Variants in EFCAB10 observed in about 807,000 individuals in gnomAD.
The protein encoded by EFCAB10 is EF-hand calcium binding domain 10, also known as EF-hand calcium-binding domain-containing protein 10.
EFCAB10 carries 7 observed loss-of-function variants against 7.7 expected under a neutral mutation model. The ratio of observed to expected loss-of-function variants is 0.91; its 90% confidence interval spans 0.52 to 1.72. EFCAB10 has a LOEUF of 1.72. Ranked by LOEUF, EFCAB10 falls within the 40% of genes most tolerant of loss-of-function variation. The pLI is 0.00. For missense variants in EFCAB10, 112 were observed against 61.5 expected (o/e 1.82, Z -2.74); for synonymous variants, 52 against 21.0 (o/e 2.47, Z -4.03).
chr7:105,580,881 T>A (rs1005287494), intron 1 of EFCAB10, among the ~76,000 whole-genome samples: 10 of 152,124 alleles, frequency 6.6e-5, no homozygotes, highest in Non-Finnish European at 1.0e-4. Flanking sequence ...AGCGATCCCC[T>A]CTAGAACATC....
intron 1 of EFCAB10, among the ~76,000 whole-genome samples, chr7:105,570,306 C>CAT (rs1485022553): frequency 1.6e-4 from 21 of 132,578 alleles, no homozygotes; most frequent in African/African-American, 8.3e-5. Flanking sequence ...TACACACACA[C>CAT]ATATATATAA....
chr7:105,576,445 CATT>C (rs373395005), intron 1 of EFCAB10, among the ~76,000 whole-genome samples: 6 of 151,720 alleles, frequency 4.0e-5, no homozygotes, highest in African/African-American at 9.7e-5. Flanking sequence ...TTCTCATCAT[CATT>C]ATTATTATTA....
At chr7:105,574,269 A>G (rs1427859615) in intron 1 of EFCAB10, among the ~76,000 whole-genome samples, 1 of 151,070 alleles carries the variant, frequency 6.6e-6, no homozygotes, top group Middle Eastern at 3.3e-3. Context: ...ATATACATAT[A>G]CACAGTATAT....
intron 1 of EFCAB10, chr7:105,573,509 C>T (rs892204089): frequency 2.0e-5 from 3 of 152,166 alleles, no homozygotes; most frequent in African/African-American, 4.8e-5. Flanking sequence ...ACAATTTATA[C>T]TCTACCTGCT....
intron 1 of EFCAB10, chr7:105,572,409 T>G (rs1221375877): frequency 6.6e-6 from 1 of 152,250 alleles, no homozygotes; most frequent in Non-Finnish European, 1.5e-5. Context: ...TGTGTATATA[T>G]CACATTTTCT....
At chr7:105,578,604 A>G (rs1357916310) in intron 1 of EFCAB10, among the ~76,000 whole-genome samples, 2 of 151,750 alleles carry the variant, frequency 1.3e-5, no homozygotes, top group Non-Finnish European at 2.9e-5. Context: ...TAAGATAAAA[A>G]GACAATCCTA....
chr7:105,574,442 G>T (rs1371119200), intron 1 of EFCAB10, among the ~76,000 whole-genome samples: 1 of 151,912 alleles, frequency 6.6e-6, no homozygotes, highest in Non-Finnish European at 1.5e-5. Flanking sequence ...AGCAAGTCAT[G>T]TCTTACATGG....
chr7:105,565,996 G>A (rs1026195232), intron 4 of EFCAB10, among the ~76,000 whole-genome samples: 12 of 152,304 alleles, frequency 7.9e-5, no homozygotes, highest in Middle Eastern at 3.4e-3. Flanking sequence ...AGGGCCGGGC[G>A]TGGTGGCTCA....
Position 105,565,259 on chromosome 7 carries a change from AAAAT to A in EFCAB10, c.*184_*187del, listed in dbSNP as rs746195338. 6.4e-7 allele frequency: 1 copy of A among 1,557,676 alleles called. No individual in the cohort carries two copies. Among genetic ancestry groups the A allele is most frequent in the Non-Finnish European group, 8.7e-7 (1 of 1,152,864 alleles). On this transcript the variant is annotated 3_prime_UTR_variant, in exon 5 of 5. Transcript: ENST00000480514. ...AGAAACTGATGAAAATTTTTTGGTA[AAAAT>A]GTGTTTTTTCCAGATGGTTGTCCTT...
At chr7:105,570,716 A>G (rs890643483) in intron 1 of EFCAB10, among the ~76,000 whole-genome samples, 18 of 152,010 alleles carry the variant, frequency 1.2e-4, no homozygotes, top group African/African-American at 3.6e-4. Context: ...TGGCCAACTC[A>G]TATTTTCTTT....
In EFCAB10 at chr7:105,569,416, AC is replaced by A; in HGVS notation, c.261del (p.Gln87HisfsTer6). The A allele has an allele frequency of 1.4e-6, 1 of 702,016 alleles. No individual in the cohort carries two copies. The allele number at this position is 702,016 out of a possible 1,614,324, so 43.5% of individuals were successfully genotyped here. A position where few individuals can be genotyped will look rare whatever the true frequency, so the allele number is the denominator to read the frequency against. Reference protein sequence around the residue: ...SSGRGTISFVQYKEALKTLGL... With the variant: ...SSGRGTISFVXYKEALKTLGL... ...TGTAGAATGTACTGACCTTCTTTAT[AC>A]TGCACAAATGATATGGTGCCTCTGC... On this transcript the variant is annotated frameshift_variant, in exon 2 of 5. Coordinates refer to ENST00000480514, the MANE Select transcript of EFCAB10 (RefSeq NM_001355526.2). LOFTEE classifies it high-confidence loss of function.
Position 105,579,117 on chromosome 7 carries a change from G to A in EFCAB10, c.106+2241C>T, listed in dbSNP as rs557136010. ...TGTAGGAACTCACATTTTTATATAC[G>A]TGTGTTCCCAAAATCTTTACCCCTC... On this transcript the variant is annotated intron_variant, in intron 1 of 4. Transcript: ENST00000480514. 5.9e-5 allele frequency among the ~76,000 whole-genome samples: 9 copies of A among 152,236 alleles called. No individual in the cohort carries two copies. In the East Asian group the frequency reaches 1.4e-3, roughly 23 times the overall value.
chr7:105,569,544 A>G lies in EFCAB10; in HGVS notation c.134T>C (p.Leu45Pro), dbSNP rs747557644. The stretch of plus-strand genomic sequence containing the variant: ...TTTTGCAATTCTCAGTCGTTCCAAT[A>G]GAGATATTAAATATTCTTTTGGTTT... ...PEKPKEYLIS[L>P]LERLRIAKVT... Residue 45 changes from leucine (L) to proline (P), a missense_variant, in exon 2 of 5, where the codon CTA becomes CCA. Physicochemically the swap from Leu to Pro is moderately conservative, Grantham distance 98. Transcript: ENST00000480514. 2 of 698,026 alleles carry G rather than the reference A, an allele frequency of 2.9e-6. No homozygotes were observed. The highest frequency in any genetic ancestry group is 5.2e-6 in the Non-Finnish European group (2 of 383,900). The allele number at this position is 698,026 out of a possible 1,614,324, so 43.2% of individuals were successfully genotyped here. A position where few individuals can be genotyped will look rare whatever the true frequency, so the allele number is the denominator to read the frequency against.
In EFCAB10 at chr7:105,581,407, G is replaced by A. The variant is rs192637049; in HGVS notation, c.57C>T (p.Ile19=). 8.6e-4 allele frequency: 603 copies of A among 703,082 alleles called. 2 individuals carry two copies. In the African/African-American group the frequency reaches 9.3e-3, roughly 11 times the overall value. The allele number at this position is 703,082 out of a possible 1,614,324, so 43.6% of individuals were successfully genotyped here. A position where few individuals can be genotyped will look rare whatever the true frequency, so the allele number is the denominator to read the frequency against. ...TGGTGAGGTAGCTAACCACCTCCTT[G>A]ATCTGATGCTTTTCCAAATACTCCG... ...QAAEYLEKHQ[I]KEVVSYLTSA... The change falls in exon 1 of 5, where the codon ATC becomes ATT. Residue 19 remains isoleucine (I), a synonymous_variant. Coordinates refer to ENST00000480514, the MANE Select transcript of EFCAB10 (RefSeq NM_001355526.2).
At chr7:105,575,224 C>T (rs767036530) in intron 1 of EFCAB10, among the ~76,000 whole-genome samples, 2 of 152,030 alleles carry the variant, frequency 1.3e-5, no homozygotes, top group Non-Finnish European at 2.9e-5. Flanking sequence ...CCACCAGGTC[C>T]CTTGCACAAT....
rs566981926 is a variant in EFCAB10, at chr7:105,565,141, C to T, written c.*306G>A. 7 of 592,724 alleles carry T rather than the reference C, an allele frequency of 1.2e-5. No homozygotes were observed. Among genetic ancestry groups the T allele is most frequent in the Non-Finnish European group, 2.0e-5 (7 of 356,310 alleles). The allele number at this position is 592,724 out of a possible 1,614,324, so 36.7% of individuals were successfully genotyped here. On this transcript the variant is annotated 3_prime_UTR_variant, in exon 5 of 5. Coordinates refer to ENST00000480514, the MANE Select transcript of EFCAB10 (RefSeq NM_001355526.2). ...CAGGTACATTTATTTTCTGATAGAG[C>T]TTTTAATGTTAGGCTGTATATTTTT...
intron 4 of EFCAB10, 176 bp from the exon 5 acceptor site, chr7:105,565,623 A>C: frequency 6.2e-7 from 1 of 1,609,066 alleles, no homozygotes; most frequent in Non-Finnish European, 8.5e-7. Context: ...TCACTATTGC[A>C]AGAGACCAGA....
chr7:105,577,052 TAAAAAA>T (rs113658971), intron 1 of EFCAB10, among the ~76,000 whole-genome samples: 4 of 144,728 alleles, frequency 2.8e-5, no homozygotes, highest in African/African-American at 1.0e-4. Flanking sequence ...AACTCCGTCT[TAAAAAA>T]AAAAAAAAGT....
intron 3 of EFCAB10, among the ~76,000 whole-genome samples, chr7:105,568,835 C>T (rs1791859742): frequency 6.6e-6 from 1 of 151,860 alleles, no homozygotes; most frequent in South Asian, 2.1e-4. Context: ...TCTGTAAGCC[C>T]AGCTACTGGG....
Sources: allele counts gnomAD v4.1 joint callset (sites outside exome capture counted in the v4.1 genomes callset), GRCh38; gene constraint gnomAD v4.1.1; transcripts MANE v1.5; gene names NCBI Gene and HGNC (gene_info 2026-07-23, HGNC 2026-07-21).